The following INSR variants were observed in gnomAD, a reference collection of about 807,000 sequenced individuals.
INSR encodes IR.
In INSR, 67 loss-of-function variants were observed where a neutral mutation model predicts 142.6. That is an observed-to-expected ratio of 0.47 (90% CI 0.39 to 0.58). The LOEUF (loss-of-function observed/expected upper bound fraction) is 0.58, where lower values mean the gene tolerates loss of function less well. Ranked by LOEUF, INSR falls within the 20% of genes least tolerant of loss-of-function variation. The probability of loss-of-function intolerance (pLI) is 0.00; values close to 1 mark genes in which losing one functional copy is unlikely to be tolerated. For missense variants in INSR, 1,248 were observed against 1,833.2 expected, an observed-to-expected ratio of 0.68 and a Z score of 5.83; for synonymous variants, 756 against 743.1, an observed-to-expected ratio of 1.02 and a Z score of -0.28.
At chr19:7,235,038 A>G (rs994639187) in intron 2 of INSR, among the ~76,000 whole-genome samples, 25 of 151,570 alleles carry the variant, frequency 1.6e-4, no homozygotes, top group African/African-American at 6.1e-4. Context: ...AGACTGGGCG[A>G]CAGAGAAAGA....
chr19:7,143,966 A>G (rs969096563), intron 11 of INSR, among the ~76,000 whole-genome samples: 2 of 151,978 alleles, frequency 1.3e-5, no homozygotes, highest in Non-Finnish European at 2.9e-5. Flanking sequence ...GAGGCAAGAG[A>G]ATTGCTTGAA....
intron 2 of INSR, among the ~76,000 whole-genome samples, chr19:7,227,991 G>T (rs1213410536): frequency 6.6e-6 from 1 of 151,994 alleles, no homozygotes; most frequent in Non-Finnish European, 1.5e-5. Context: ...AAAAAGGGAG[G>T]GGAGGTAAAT....
rs531773290 is a variant in INSR, at chr19:7,196,146, G to A, written c.653-11509C>T. On this transcript the variant is annotated intron_variant, in intron 2 of 21. Transcript: ENST00000302850. ...GACGGGGCTTCTCCAAGTTGGTCAGGCTGGTCTCGAACTCCTGACCTCAGG... is the reference window on the plus strand; with the variant it reads ...GACGGGGCTTCTCCAAGTTGGTCAGACTGGTCTCGAACTCCTGACCTCAGG... 1.1e-4 allele frequency among the ~76,000 whole-genome samples: 16 copies of A among 151,232 alleles called. No homozygotes were observed. In the East Asian group the frequency reaches 2.7e-3, roughly 26 times the overall value.
Position 7,210,722 on chromosome 19 carries a change from G to GAGAGAC in INSR, c.653-26091_653-26086dup, listed in dbSNP as rs932287502. ...AAATATATATGTATATATGGAGAGA[G>GAGAGAC]AGAGACAGAGACAGAGAGACAGAGA... On this transcript the variant is annotated intron_variant, in intron 2 of 21. Transcript: ENST00000302850. Among the ~76,000 whole-genome samples the GAGAGAC allele has an allele frequency of 4.1e-4, 63 of 152,172 alleles. 1 individual carries two copies. The highest frequency in any genetic ancestry group is 1.5e-3 in the African/African-American group (62 of 41,514).
At chr19:7,169,416 A>C (rs1010957106) in intron 6 of INSR, among the ~76,000 whole-genome samples, 14 of 79,320 alleles carry the variant, frequency 1.8e-4, no homozygotes, top group Non-Finnish European at 3.0e-4. Flanking sequence ...CTAAAAATAC[A>C]AAAAAAAAAA....
chr19:7,141,761 G>A lies in INSR; in HGVS notation c.2598C>T (p.Val866=), dbSNP rs797045625. 1.9e-5 allele frequency: 30 copies of A among 1,614,054 alleles called. No individual in the cohort carries two copies. The highest frequency in any genetic ancestry group is 1.8e-4 in the East Asian group (8 of 44,884). ...TCGGCTCCTGCCACATCAAGTGGAC[G>A]ACGTTGTTCTCAAAGATTTCATGCG... ...PVTHEIFENN[V]VHLMWQEPKE... is the part of the protein sequence containing the mutation. The change falls in exon 13 of 22, where the codon GTC becomes GTT. Residue 866 remains valine, a synonymous_variant. Coordinates refer to ENST00000302850, the MANE Select transcript of INSR (RefSeq NM_000208.4).
intron 2 of INSR, among the ~76,000 whole-genome samples, chr19:7,241,759 CT>C (rs55831760): frequency 0.15 from 23,509 of 152,088 alleles, 2,020 homozygotes; most frequent in Non-Finnish European, 0.19. Flanking sequence ...AGGGATGCTA[CT>C]AAGCTTCCTG....
At chr19:7,187,546 T>C (rs963989710) in intron 2 of INSR, among the ~76,000 whole-genome samples, 3 of 152,178 alleles carry the variant, frequency 2.0e-5, no homozygotes, top group African/African-American at 7.2e-5. Flanking sequence ...TTGTGATATT[T>C]TGTCATATGG....
At chr19:7,238,745 C>T (rs1352138664) in intron 2 of INSR, among the ~76,000 whole-genome samples, 5 of 151,740 alleles carry the variant, frequency 3.3e-5, no homozygotes, top group Non-Finnish European at 5.9e-5. Flanking sequence ...TTGTACTGCC[C>T]TCCATTCCCT....
intron 2 of INSR, among the ~76,000 whole-genome samples, chr19:7,230,206 G>A (rs1975927695): frequency 6.6e-6 from 1 of 152,186 alleles, no homozygotes; most frequent in African/African-American, 2.4e-5. Flanking sequence ...AGGTAGGGAA[G>A]ATGGATTTGA....
rs1973014665 is a variant in INSR at position 7,139,432 on chromosome 19, C to T, written c.2682+2245G>A. 3.3e-5 allele frequency among the ~76,000 whole-genome samples: 5 copies of T among 151,940 alleles called. No homozygotes were observed. In the South Asian group the frequency reaches 6.2e-4, roughly 19 times the overall value. On this transcript the variant is annotated intron_variant, in intron 13 of 21. Coordinates refer to ENST00000302850, the MANE Select transcript of INSR (RefSeq NM_000208.4). ...CCAAATCCCCAAAAATAAATGATACCCCAATCATGAGATTAAATTCTATCT... is the reference window on the plus strand; with the variant it reads ...CCAAATCCCCAAAAATAAATGATACTCCAATCATGAGATTAAATTCTATCT...
chr19:7,221,089 C>T (rs893742972), intron 2 of INSR, among the ~76,000 whole-genome samples: 1 of 152,152 alleles, frequency 6.6e-6, no homozygotes, highest in African/African-American at 2.4e-5. Flanking sequence ...AAGGTCTTCA[C>T]CAGGCCGAGC....
intron 20 of INSR, among the ~76,000 whole-genome samples, chr19:7,120,060 T>G (rs1972451950): frequency 6.6e-6 from 1 of 152,254 alleles, no homozygotes; most frequent in South Asian, 2.1e-4. Flanking sequence ...AGGAACTGCT[T>G]GGACAAACCT....
intron 2 of INSR, among the ~76,000 whole-genome samples, chr19:7,239,569 C>T (rs1976276440): frequency 1.3e-5 from 2 of 152,046 alleles, no homozygotes; most frequent in African/African-American, 2.4e-5. Context: ...GCACATACTC[C>T]ATTCCCTGTG....
rs187504148 is a variant in INSR, at chr19:7,166,844, C to T, written c.1611-440G>A. Among the ~76,000 whole-genome samples, 4 of 152,112 alleles carry T rather than the reference C, an allele frequency of 2.6e-5. No individual in the cohort carries two copies. Among genetic ancestry groups the T allele is most frequent in the Admixed American group, 6.6e-5 (1 of 15,250 alleles). On this transcript the variant is annotated intron_variant, in intron 7 of 21. Transcript: ENST00000302850. This position sits in a 1 kb window ranked among gnomAD's most constrained non-coding sequence, Gnocchi z 4.1. Reference sequence around the variant, plus strand: ...TTGAGGCAGGAGAATTGCTTGAACCCGGGAGGCAGAGGTAGCATCAGCTGA... The same window carrying T: ...TTGAGGCAGGAGAATTGCTTGAACCTGGGAGGCAGAGGTAGCATCAGCTGA...
intron 2 of INSR, among the ~76,000 whole-genome samples, chr19:7,259,296 G>C (rs1274795617): frequency 2.0e-5 from 3 of 151,830 alleles, no homozygotes; most frequent in Non-Finnish European, 4.4e-5. Flanking sequence ...AGAATCCCCA[G>C]CTTCAAATCC....
chr19:7,263,731 CATCAGGCACA>C (rs986669338), intron 2 of INSR, among the ~76,000 whole-genome samples: 1 of 152,086 alleles, frequency 6.6e-6, no homozygotes, highest in African/African-American at 2.4e-5. Context: ...TCACTCAAAA[CATCAGGCACA>C]GCCAGGCACA....
At position 7,192,442 on chromosome 19, in the gene INSR, A is replaced by C. The variant is rs1194775647; in HGVS notation, c.653-7805T>G. 2.0e-5 allele frequency among the ~76,000 whole-genome samples: 3 copies of C among 152,084 alleles called. No homozygotes were observed. Among genetic ancestry groups the C allele is most frequent in the Non-Finnish European group, 4.4e-5 (3 of 68,008 alleles). On this transcript the variant is annotated intron_variant, in intron 2 of 21. Coordinates refer to ENST00000302850, the MANE Select transcript of INSR (RefSeq NM_000208.4). The surrounding 1 kb of genome is among the most constrained non-coding windows in gnomAD (Gnocchi z 4.2). ...AAGCCACGTGTCATGCAAGATGAGA[A>C]ACAGCCCCAGTGGAGGACGGGGTTG...
intron 15 of INSR, 117 bp downstream of exon 15, chr19:7,128,735 A>G: frequency 1.4e-6 from 1 of 718,858 alleles, no homozygotes; most frequent in Non-Finnish European, 2.5e-6. Context: ...TGCATGTTAC[A>G]CATCCTATAT....
Sources: allele counts gnomAD v4.1 joint callset (sites outside exome capture counted in the v4.1 genomes callset), GRCh38; gene constraint gnomAD v4.1.1; non-coding constraint Gnocchi (gnomAD v3.1); transcripts MANE v1.5; gene names NCBI Gene and HGNC (gene_info 2026-07-23, HGNC 2026-07-21).